Variants in C6orf132 observed in about 807,000 individuals in gnomAD.
C6orf132 encodes chromosome 6 open reading frame 132, also known as uncharacterized protein C6orf132.
In C6orf132, 43 loss-of-function variants were observed where a neutral mutation model predicts 65.3. The observed-to-expected ratio is 0.66, with a 90% CI of 0.52 to 0.85. C6orf132 has a LOEUF of 0.85. Ranked by LOEUF, C6orf132 falls within the 40% of genes least tolerant of loss-of-function variation. The pLI is 0.00. For missense variants in C6orf132, 1,488 were observed against 1,548.8 expected, an observed-to-expected ratio of 0.96 and a Z score of 0.66; for synonymous variants, 631 against 654.1, an observed-to-expected ratio of 0.96 and a Z score of 0.54.
rs920909579 is a variant in C6orf132, at chr6:42,124,195, G to T, written c.252+4477C>A. 1.3e-5 allele frequency among the ~76,000 whole-genome samples: 2 copies of T among 152,236 alleles called. No homozygotes were observed. The highest frequency in any genetic ancestry group is 2.4e-5 in the African/African-American group (1 of 41,470). ...AGCAGAGCTGGGACTGGTGTCAGCT[G>T]CTGGAGTATTAGCCCCTGGTCCCAT... On this transcript the variant is annotated intron_variant, in intron 2 of 4. Transcript: ENST00000341865. The surrounding 1 kb of genome is among the most constrained non-coding windows in gnomAD (Gnocchi z 4.0).
intron 2 of C6orf132, among the ~76,000 whole-genome samples, chr6:42,110,987 C>G (rs1391664575): frequency 1.3e-5 from 2 of 152,156 alleles, no homozygotes; most frequent in Admixed American, 1.3e-4. Flanking sequence ...ATGAAAAAGA[C>G]AAAACAAACA....
Position 42,110,259 on chromosome 6 carries a change from G to A in C6orf132, c.285C>T (p.Pro95=), listed in dbSNP as rs761155883. 7.1e-6 allele frequency: 11 copies of A among 1,547,960 alleles called. No individual in the cohort carries two copies. In the South Asian group the frequency reaches 1.2e-4, roughly 17 times the overall value. Residue 95 remains proline, a synonymous_variant, in exon 3 of 5, where the codon CCC becomes CCT. Transcript: ENST00000341865. ...CAAAATCATCTGGAACCGAGGGGGT[G>A]GGCACAGCCAGCCCATGGTTTTCCT... ...NAQENHGLAV[P]TPSVPDDFAD... is the part of the protein sequence containing the mutation.
intron 2 of C6orf132, among the ~76,000 whole-genome samples, chr6:42,123,337 C>T (rs1328440571): frequency 1.3e-5 from 2 of 150,672 alleles, no homozygotes; most frequent in Non-Finnish European, 3.0e-5. Context: ...GAGCCGAGAT[C>T]GCACCACTGC....
intron 1 of C6orf132, among the ~76,000 whole-genome samples, chr6:42,141,160 C>T (rs1239947012): frequency 6.6e-6 from 1 of 152,204 alleles, no homozygotes; most frequent in Admixed American, 6.5e-5. Flanking sequence ...AGAGGCGACA[C>T]TTTGTCCGTC....
Position 42,103,042 on chromosome 6 carries a change from C to A in C6orf132, c.*719G>T. ...ACTTGCCAAGTGTCCTCTCTCTAGGCCTCCCTGTAGCTAAGGGCTAGGGCC... is the reference window on the plus strand; with the variant it reads ...ACTTGCCAAGTGTCCTCTCTCTAGGACTCCCTGTAGCTAAGGGCTAGGGCC... On this transcript the variant is annotated 3_prime_UTR_variant, in exon 5 of 5. Transcript: ENST00000341865. The A allele has an allele frequency of 2.5e-6, 1 of 398,768 alleles. No individual in the cohort carries two copies. Among genetic ancestry groups the A allele is most frequent in the Middle Eastern group, 6.3e-4 (1 of 1,592 alleles). The allele number at this position is 398,768 out of a possible 1,614,324, so 24.7% of individuals were successfully genotyped here.
At chr6:42,109,302 G>A (rs1178449760) in intron 3 of C6orf132, among the ~76,000 whole-genome samples, 1 of 152,082 alleles carries the variant, frequency 6.6e-6, no homozygotes, top group East Asian at 1.9e-4. Flanking sequence ...GCATGGTGGT[G>A]TGCACCTATG....
At position 42,105,979 on chromosome 6, in the gene C6orf132, C is replaced by T. The variant is rs1356941311; in HGVS notation, c.1933G>A (p.Ala645Thr). The T allele has an allele frequency of 1.3e-6, 2 of 1,537,004 alleles. No homozygotes were observed. The highest frequency in any genetic ancestry group is 4.9e-5 in the East Asian group (2 of 40,906). Residue 645 changes from alanine (A) to threonine (T), a missense_variant, in exon 4 of 5, where the codon GCC (alanine) becomes ACC (threonine). Physicochemically the swap from Ala to Thr is moderately conservative, Grantham distance 58 (BLOSUM62 0). Coordinates refer to ENST00000341865, the MANE Select transcript of C6orf132 (RefSeq NM_001164446.3). The stretch of plus-strand genomic sequence containing the variant: ...GGTGGTATGGCTGGCTCAGGTGTGG[C>T]CTTGGGTGGTATGGCTGGTCCCAAC... ...AMLGPAIPPK[A>T]TPEPAIPPKA...
chr6:42,138,954 C>T (rs1333551021), intron 1 of C6orf132, among the ~76,000 whole-genome samples: 2 of 151,984 alleles, frequency 1.3e-5, no homozygotes, highest in East Asian at 1.9e-4. Context: ...CAGTGAAGCC[C>T]TCCTAATTGC....
At position 42,106,152 on chromosome 6, in the gene C6orf132, C is replaced by T; in HGVS notation, c.1760G>A (p.Gly587Glu). The stretch of plus-strand genomic sequence containing the variant: ...TAGCCGAGGCTTAGGGGGCAGAGAT[C>T]CTATGCTGGGCTTAGCCTCCTTCTC... The part of the protein sequence containing the change: ...AAEKEAKPSI[G>E]SLPPKPRLEG... Residue 587 changes from glycine to glutamate, a missense_variant, in exon 4 of 5, where the codon GGA becomes GAA. By Grantham distance (98) the Gly-to-Glu change is moderately conservative. Coordinates refer to ENST00000341865, the MANE Select transcript of C6orf132 (RefSeq NM_001164446.3). 6.5e-7 allele frequency: 1 copy of T among 1,537,262 alleles called. No homozygotes were observed. Among genetic ancestry groups the T allele is most frequent in the African/African-American group, 1.4e-5 (1 of 73,170 alleles).
Position 42,128,720 on chromosome 6 carries a change from C to T in C6orf132, c.204G>A (p.Thr68=), listed in dbSNP as rs1402044925. Residue 68 remains threonine, a synonymous_variant, in exon 2 of 5, where the codon ACG becomes ACA. Coordinates refer to ENST00000341865, the MANE Select transcript of C6orf132 (RefSeq NM_001164446.3). ...FNTVSESGTA[T]LKARPRVRPL... The stretch of plus-strand genomic sequence containing the variant: ...GCCGGACTCTTGGCCGAGCTTTCAG[C>T]GTGGCTGTTCCTGACTCGCTCACTG... 22 of 1,551,376 alleles carry T rather than the reference C, an allele frequency of 1.4e-5. No homozygotes were observed. The highest frequency in any genetic ancestry group is 1.7e-5 in the Non-Finnish European group (20 of 1,146,964).
At chr6:42,136,238 A>G (rs1766939943) in intron 1 of C6orf132, among the ~76,000 whole-genome samples, 2 of 151,506 alleles carry the variant, frequency 1.3e-5, no homozygotes, top group Middle Eastern at 3.5e-3. Context: ...ATTCACATCC[A>G]TATAATACCT....
intron 2 of C6orf132, among the ~76,000 whole-genome samples, chr6:42,113,973 G>C (rs1766530397): frequency 2.0e-5 from 3 of 152,128 alleles, no homozygotes; most frequent in South Asian, 4.1e-4. Flanking sequence ...TTCCAGAAAA[G>C]TGAAAAAATC....
chr6:42,103,199 G>C lies in C6orf132; in HGVS notation c.*562C>G, dbSNP rs1427334714. ...CACATGTTATACATACACATTCCTGGTCCCACCTCAATGCGGCTAGGAACC... is the reference window on the plus strand; with the variant it reads ...CACATGTTATACATACACATTCCTGCTCCCACCTCAATGCGGCTAGGAACC... On this transcript the variant is annotated 3_prime_UTR_variant, in exon 5 of 5. Transcript: ENST00000341865. The C allele has an allele frequency of 2.5e-6, 1 of 398,450 alleles. No individual in the cohort carries two copies. Among genetic ancestry groups the C allele is most frequent in the Non-Finnish European group, 4.4e-6 (1 of 226,098 alleles). The allele number at this position is 398,450 out of a possible 1,614,324, so 24.7% of individuals were successfully genotyped here. A position where few individuals can be genotyped will look rare whatever the true frequency, so the allele number is the denominator to read the frequency against.
At chr6:42,126,184 G>A (rs534930460) in intron 2 of C6orf132, among the ~76,000 whole-genome samples, 59 of 152,028 alleles carry the variant, frequency 3.9e-4, no homozygotes, top group Admixed American at 3.2e-3. Context: ...AGGTTCAAGC[G>A]ATTCTCCTGC....
chr6:42,130,518 G>C (rs1166746814), intron 1 of C6orf132, among the ~76,000 whole-genome samples: 3 of 152,164 alleles, frequency 2.0e-5, no homozygotes, highest in African/African-American at 7.2e-5. Flanking sequence ...ACCCTTAACA[G>C]GACTGGGGTG....
rs1451554172 is a variant in C6orf132 at position 42,107,233 on chromosome 6, G to C, written c.679C>G (p.Pro227Ala). Reference sequence around the variant, plus strand: ...GCTGGGGCTGGCACAGGAGGCGGTGGGGGGGCTAGAAAGGCCAAGGGTGGG... The same window carrying C: ...GCTGGGGCTGGCACAGGAGGCGGTGCGGGGGCTAGAAAGGCCAAGGGTGGG... ...PAPPLAFLAP[P>A]PPPVPAPAPP... The change falls in exon 4 of 5, where the codon CCA becomes GCA. Residue 227 changes from proline to alanine, a missense_variant. Pro to Ala is a conservative substitution (Grantham distance 27). Coordinates refer to ENST00000341865, the MANE Select transcript of C6orf132 (RefSeq NM_001164446.3). 1 of 1,394,242 alleles carries C rather than the reference G, an allele frequency of 7.2e-7. No homozygotes were observed. The highest frequency in any genetic ancestry group is 1.5e-5 in the African/African-American group (1 of 66,884). The allele number at this position is 1,394,242 out of a possible 1,614,324, so 86.4% of individuals were successfully genotyped here. A position where few individuals can be genotyped will look rare whatever the true frequency, so the allele number is the denominator to read the frequency against.
intron 1 of C6orf132, among the ~76,000 whole-genome samples, chr6:42,139,430 G>A (rs1191260173): frequency 6.6e-6 from 1 of 152,162 alleles, no homozygotes; most frequent in African/African-American, 2.4e-5. Flanking sequence ...TTCTGTACAG[G>A]GCCAGATAGT....
intron 4 of C6orf132, 113 bp from the exon 5 acceptor site, chr6:42,103,991 C>T (rs1766341705): frequency 2.7e-6 from 2 of 735,518 alleles, no homozygotes; most frequent in South Asian, 6.3e-5. Flanking sequence ...CTGTATTTGC[C>T]CCGACAAGCC....
At chr6:42,126,500 G>A in intron 2 of C6orf132, 1 of 161,284 alleles carries the variant, frequency 6.2e-6, no homozygotes. Flanking sequence ...ATCTGGGTAT[G>A]TGTGCTGAGG....
Sources: gnomAD v4.1 joint callset for allele counts (sites outside exome capture counted in the v4.1 genomes callset) on GRCh38, gnomAD v4.1.1 for gene constraint, Gnocchi (gnomAD v3.1) non-coding constraint, MANE v1.5 for transcripts, NCBI Gene and HGNC (gene_info 2026-07-23, HGNC 2026-07-21) for gene names.